The following ZNF610 variants were observed in gnomAD, a reference collection of about 807,000 sequenced individuals.
The protein encoded by ZNF610 is zinc finger protein 610, also known as zink finger protein.
In ZNF610, 14 loss-of-function variants were observed where a neutral mutation model predicts 14.1. The ratio of observed to expected loss-of-function variants is 0.99; its 90% confidence interval spans 0.65 to 1.55. The LOEUF is 1.55. ZNF610 is among the 40% of genes most tolerant of loss of function. The pLI is 0.00. For synonymous variants in ZNF610, 185 were observed against 187.6 expected (o/e 0.99, Z 0.11); for missense variants, 530 against 558.0 (o/e 0.95, Z 0.51).
At chr19:52,359,497 T>C (rs1447597578) in intron 5 of ZNF610, among the ~76,000 whole-genome samples, 1 of 152,176 alleles carries the variant, frequency 6.6e-6, no homozygotes, top group Non-Finnish European at 1.5e-5. Context: ...CCATGGTTAG[T>C]TGAATCTGCA....
intron 5 of ZNF610, among the ~76,000 whole-genome samples, chr19:52,357,664 A>AAAAG (rs1985594990): frequency 6.6e-6 from 1 of 151,332 alleles, no homozygotes; most frequent in African/African-American, 2.4e-5. Flanking sequence ...AAAAAAAAAA[A>AAAAG]AAAAAAATTT....
At chr19:52,364,058 T>C (rs1985911330) in intron 5 of ZNF610, among the ~76,000 whole-genome samples, 1 of 152,210 alleles carries the variant, frequency 6.6e-6, no homozygotes, top group Non-Finnish European at 1.5e-5. Context: ...ACATAAAACA[T>C]TGTAACAATA....
chr19:52,349,020 T>G, intron 2 of ZNF610, 134 bp from the exon 3 acceptor site: 1 of 630,818 alleles, frequency 1.6e-6, no homozygotes, highest in Non-Finnish European at 2.8e-6. Flanking sequence ...TTCTTGTCCC[T>G]GCATCAACTC....
intron 5 of ZNF610, among the ~76,000 whole-genome samples, chr19:52,357,643 T>A (rs1600237983): frequency 1.1e-4 from 3 of 26,820 alleles, no homozygotes; most frequent in African/African-American, 1.8e-4. Context: ...AGCCTCCATC[T>A]CAAAAAAAAA....
At chr19:52,348,626 G>A (rs965263918) in intron 2 of ZNF610, among the ~76,000 whole-genome samples, 2 of 152,144 alleles carry the variant, frequency 1.3e-5, no homozygotes, top group Admixed American at 6.5e-5. Flanking sequence ...CTGGCAATTT[G>A]GATGTGCCAG....
chr19:52,353,777 G>C lies in ZNF610; in HGVS notation c.159G>C (p.Met53Ile). 6.2e-7 allele frequency: 1 copy of C among 1,613,286 alleles called. No homozygotes were observed. Among genetic ancestry groups the C allele is most frequent in the Non-Finnish European group, 8.5e-7 (1 of 1,179,772 alleles). The change falls in exon 4 of 6, where the codon ATG becomes ATC. Residue 53 changes from methionine to isoleucine, a missense_variant. Met to Ile is a conservative substitution (Grantham distance 10). Coordinates refer to ENST00000403906, the MANE Select transcript of ZNF610 (RefSeq NM_001161425.2). ...PGQRALYRDV[M>I]LENYRNLVFL... ...AGAGGGCTTTATACAGGGACGTGAT[G>C]TTGGAGAACTACAGGAACCTGGTCT...
intron 1 of ZNF610, among the ~76,000 whole-genome samples, chr19:52,343,358 C>T (rs1024275706): frequency 3.3e-5 from 5 of 151,872 alleles, no homozygotes; most frequent in Non-Finnish European, 5.9e-5. Context: ...CCAAAGATCA[C>T]GCCCTGCACT....
At chr19:52,342,473 T>A (rs1397926635) in intron 1 of ZNF610, among the ~76,000 whole-genome samples, 1 of 152,076 alleles carries the variant, frequency 6.6e-6, no homozygotes, top group African/African-American at 2.4e-5. Flanking sequence ...CCTCTTCTTT[T>A]TTCTTGGCTT....
chr19:52,362,968 T>G (rs568117849), intron 5 of ZNF610, among the ~76,000 whole-genome samples: 2 of 152,060 alleles, frequency 1.3e-5, no homozygotes, highest in East Asian at 3.9e-4. Flanking sequence ...CTCTTTGATT[T>G]TTATTTATTT....
rs778392330 is a variant in ZNF610 at position 52,366,311 on chromosome 19, T to C, written c.933T>C (p.Thr311=). ...SGLTTHLVIH[T]GEKPYKCNEC... ...TTACTACCCATCTTGTAATCCATAC[T>C]GGAGAGAAACCTTACAAATGTAATG... is the stretch of plus-strand genomic sequence containing the variant. The change falls in exon 6 of 6, where the codon ACT becomes ACC. Residue 311 remains threonine (T), a synonymous_variant. Transcript: ENST00000403906. The C allele has an allele frequency of 2.5e-6, 4 of 1,613,992 alleles. No individual in the cohort carries two copies. The Admixed American group carries it at 6.7e-5, about 27-fold the overall frequency.
chr19:52,355,102 T>C (rs1282814445), intron 5 of ZNF610, among the ~76,000 whole-genome samples: 1 of 152,214 alleles, frequency 6.6e-6, no homozygotes, highest in Non-Finnish European at 1.5e-5. Context: ...CACCCTGTCA[T>C]GTGGCTTCTG....
upstream of ZNF610, among the ~76,000 whole-genome samples, chr19:52,334,437 C>T (rs1005115264): frequency 9.5e-6 from 1 of 104,964 alleles, no homozygotes; most frequent in East Asian, 2.5e-4. Context: ...TGGTTGAACC[C>T]GGGAGTTGGA....
chr19:52,351,523 A>G (rs1468361880), intron 3 of ZNF610, among the ~76,000 whole-genome samples: 2 of 151,370 alleles, frequency 1.3e-5, no homozygotes, highest in Non-Finnish European at 2.9e-5. Flanking sequence ...TTCAGGGACC[A>G]TGTGTGCCAT....
At chr19:52,363,168 T>C in intron 5 of ZNF610, among the ~76,000 whole-genome samples, 1 of 149,504 alleles carries the variant, frequency 6.7e-6, no homozygotes, top group South Asian at 2.2e-4. Context: ...CCCTGTTGCC[T>C]ACCCAGGCTG....
intron 1 of ZNF610, among the ~76,000 whole-genome samples, chr19:52,343,123 G>A (rs1368078019): frequency 3.9e-5 from 6 of 152,038 alleles, no homozygotes; most frequent in East Asian, 1.9e-4. Context: ...CCCCAAACAC[G>A]TATCCCCAGC....
upstream of ZNF610, among the ~76,000 whole-genome samples, chr19:52,334,936 A>ACACACACAC (rs1984299564): frequency 9.6e-5 from 4 of 41,536 alleles, no homozygotes; most frequent in African/African-American, 3.9e-4. Flanking sequence ...CTCAAAAACA[A>ACACACACAC]ACACACACAC....
rs1441472184 is a variant in ZNF610, at chr19:52,365,739, A to T, written c.361A>T (p.Ile121Phe). Residue 121 changes from isoleucine (I) to phenylalanine (F), a missense_variant, in exon 6 of 6, where the codon ATT (isoleucine) becomes TTT (phenylalanine). By Grantham distance (21) the Ile-to-Phe change is conservative. Transcript: ENST00000403906. ...VLGSNAENKP[I>F]KNQLGLTLEA... Reference sequence around the variant, plus strand: ...GGGAAGCAATGCAGAAAACAAGCCTATTAAAAATCAACTTGGATTAACCCT... The same window carrying T: ...GGGAAGCAATGCAGAAAACAAGCCTTTTAAAAATCAACTTGGATTAACCCT... 2 of 1,611,696 alleles carry T rather than the reference A, an allele frequency of 1.2e-6. No individual in the cohort carries two copies. The highest frequency in any genetic ancestry group is 4.5e-5 in the East Asian group (2 of 44,884).
chr19:52,346,268 G>A (rs999893165), intron 1 of ZNF610, among the ~76,000 whole-genome samples: 1 of 150,934 alleles, frequency 6.6e-6, no homozygotes, highest in African/African-American at 2.5e-5. Context: ...GGGTTCCAGC[G>A]ATTCTCCTGC....
chr19:52,348,327 T>G (rs1019215461), intron 2 of ZNF610: 1 of 152,254 alleles, frequency 6.6e-6, no homozygotes, highest in Non-Finnish European at 1.5e-5. Flanking sequence ...TAATGAAATT[T>G]ATAAATGCTA....
Sources: allele counts gnomAD v4.1 joint callset (sites outside exome capture counted in the v4.1 genomes callset), GRCh38; gene constraint gnomAD v4.1.1; transcripts MANE v1.5; gene names NCBI Gene and HGNC (gene_info 2026-07-23, HGNC 2026-07-21).